The following RYK variants were observed in gnomAD, a reference collection of about 807,000 sequenced individuals.
RYK encodes inactive tyrosine-protein kinase RYK.
RYK carries 21 observed loss-of-function variants against 70.2 expected under a neutral mutation model. The ratio of observed to expected loss-of-function variants is 0.30; its 90% CI spans 0.21 to 0.43. The LOEUF (loss-of-function observed/expected upper bound fraction) is 0.43, where lower values mean the gene tolerates loss of function less well. Ranked by LOEUF, RYK falls within the 20% of genes least tolerant of loss-of-function variation. The pLI, the probability that RYK is intolerant of heterozygous loss-of-function variation, is 1.00. For synonymous variants in RYK, 267 were observed against 278.0 expected, an observed-to-expected ratio of 0.96 and a Z score of 0.39; for missense variants, 604 against 753.3, an observed-to-expected ratio of 0.80 and a Z score of 2.32.
chr3:134,209,538 T>C (rs2014325686), intron 4 of RYK, among the ~76,000 whole-genome samples, 157 bp downstream of exon 4: 1 of 152,186 alleles, frequency 6.6e-6, no homozygotes. Context: ...CTACCAACCA[T>C]CTGGGATTAT....
chr3:134,220,661 T>C (rs572369937), intron 2 of RYK, among the ~76,000 whole-genome samples: 36 of 152,154 alleles, frequency 2.4e-4, no homozygotes, highest in Non-Finnish European at 4.7e-4. Flanking sequence ...TTTATATACA[T>C]ACACACACAT....
chr3:134,207,440 A>G (rs1370558539), intron 5 of RYK, 32 bp downstream of exon 5: 2 of 1,418,022 alleles, frequency 1.4e-6, no homozygotes, highest in Admixed American at 2.5e-5. Flanking sequence ...TTCATTTCTA[A>G]TAATGGATAA....
intron 2 of RYK, among the ~76,000 whole-genome samples, chr3:134,220,381 G>A (rs2014698306): frequency 6.6e-6 from 1 of 152,076 alleles, no homozygotes. Flanking sequence ...GTTGTATAAA[G>A]AATGCCCTTT....
At chr3:134,161,364 C>G (rs879524718) in intron 13 of RYK, among the ~76,000 whole-genome samples, 1 of 152,186 alleles carries the variant, frequency 6.6e-6, no homozygotes, top group Non-Finnish European at 1.5e-5. Flanking sequence ...CTGTGAGAAG[C>G]TGTCCTGTGC....
At chr3:134,219,681 G>A (rs1355731624) in intron 2 of RYK, among the ~76,000 whole-genome samples, 4 of 152,170 alleles carry the variant, frequency 2.6e-5, no homozygotes, top group Admixed American at 6.5e-5. Context: ...GATGTTCATA[G>A]AAACACTGGA....
intron 1 of RYK, among the ~76,000 whole-genome samples, chr3:134,233,661 T>C: frequency 6.6e-6 from 1 of 152,178 alleles, no homozygotes; most frequent in East Asian, 1.9e-4. Flanking sequence ...AGGTGATACC[T>C]CAAGTCATGA....
At chr3:134,194,250 A>G (rs1370826947) in intron 7 of RYK, among the ~76,000 whole-genome samples, 1 of 152,226 alleles carries the variant, frequency 6.6e-6, no homozygotes, top group Non-Finnish European at 1.5e-5. Flanking sequence ...TATTCACTGG[A>G]GCCTTAGTCA....
At chr3:134,175,878 A>T in intron 12 of RYK, 52 bp downstream of exon 12, 2 of 1,553,198 alleles carry the variant, frequency 1.3e-6, no homozygotes, top group Admixed American at 3.5e-5. Flanking sequence ...GAGAACCCCA[A>T]ATCCAGGAAG....
chr3:134,203,841 C>G (rs1157473870), intron 5 of RYK, among the ~76,000 whole-genome samples: 2 of 152,094 alleles, frequency 1.3e-5, no homozygotes, highest in Non-Finnish European at 2.9e-5. Context: ...ATTAAGCATT[C>G]AAATATAAGT....
chr3:134,249,925 T>TG (rs2015566461), intron 1 of RYK, among the ~76,000 whole-genome samples: 1 of 135,576 alleles, frequency 7.4e-6, no homozygotes, highest in South Asian at 2.5e-4. Context: ...TCGTTTTTTT[T>TG]TTTTTTTTTT....
chr3:134,159,494 G>A, intron 13 of RYK, 121 bp from the exon 14 acceptor site: 1 of 919,306 alleles, frequency 1.1e-6, no homozygotes, highest in Non-Finnish European at 1.6e-6. Context: ...AAAGCGAAAT[G>A]TTATTTACAA....
chr3:134,160,152 C>T (rs2012407891), intron 13 of RYK, among the ~76,000 whole-genome samples: 1 of 152,128 alleles, frequency 6.6e-6, no homozygotes, highest in Admixed American at 6.5e-5. Context: ...GAGGGGGATA[C>T]CTGTGTACTG....
intron 6 of RYK, among the ~76,000 whole-genome samples, chr3:134,201,520 CGAGA>C (rs559052592): frequency 6.6e-6 from 1 of 151,200 alleles, no homozygotes; most frequent in Non-Finnish European, 1.5e-5. Context: ...ATAACTGCTA[CGAGA>C]GAGAGAGAGA....
At chr3:134,181,536 A>T (rs2013294609) in intron 10 of RYK, 1 of 152,184 alleles carries the variant, frequency 6.6e-6, no homozygotes, top group Non-Finnish European at 1.5e-5. Flanking sequence ...TCTGAATATG[A>T]ACCAAAATAT....
At chr3:134,220,331 T>C (rs1439679577) in intron 2 of RYK, among the ~76,000 whole-genome samples, 1 of 152,182 alleles carries the variant, frequency 6.6e-6, no homozygotes, top group Middle Eastern at 3.2e-3. Flanking sequence ...GATAATAACA[T>C]AATAATGTCA....
chr3:134,238,233 C>CGAT (rs931248083), intron 1 of RYK, among the ~76,000 whole-genome samples: 39 of 152,138 alleles, frequency 2.6e-4, no homozygotes, highest in Admixed American at 7.9e-4. Flanking sequence ...ATCTTCAATC[C>CGAT]CATAGCTGTT....
chr3:134,163,048 T>C (rs2012531292), intron 13 of RYK, among the ~76,000 whole-genome samples: 1 of 152,232 alleles, frequency 6.6e-6, no homozygotes, highest in Non-Finnish European at 1.5e-5. Context: ...ACAGCAGCAA[T>C]GTAGATAAGC....
intron 9 of RYK, among the ~76,000 whole-genome samples, chr3:134,184,518 T>C (rs1211207068): frequency 6.6e-6 from 1 of 152,116 alleles, no homozygotes; most frequent in East Asian, 1.9e-4. Flanking sequence ...ACCACCACTT[T>C]GGGAGGCTGA....
At chr3:134,206,677 T>G (rs1192617052) in intron 5 of RYK, among the ~76,000 whole-genome samples, 1 of 152,102 alleles carries the variant, frequency 6.6e-6, no homozygotes, top group African/African-American at 2.4e-5. Context: ...AGATCTACAC[T>G]GAAATATTTA....
Sources: allele counts gnomAD v4.1 joint callset (sites outside exome capture counted in the v4.1 genomes callset), GRCh38; gene constraint gnomAD v4.1.1; transcripts MANE v1.5; gene names NCBI Gene and HGNC (gene_info 2026-07-23, HGNC 2026-07-21).